Variants in PEX14 observed in about 807,000 individuals in gnomAD.
The protein encoded by PEX14 is peroxisomal biogenesis factor 14.
PEX14 carries 15 observed loss-of-function variants against 49.5 expected under a neutral mutation model. The ratio of observed to expected loss-of-function variants is 0.30; its 90% CI spans 0.20 to 0.47. The LOEUF (loss-of-function observed/expected upper bound fraction) is 0.47, where lower values mean the gene tolerates loss of function less well. PEX14 is among the 20% of genes least tolerant of loss of function. PEX14 has a pLI of 1.00. For synonymous variants in PEX14, 210 were observed against 212.7 expected (o/e 0.99, Z 0.11); for missense variants, 398 against 494.8 (o/e 0.80, Z 1.86).
chr1:10,496,933 A>G (rs1204377052), intron 2 of PEX14, among the ~76,000 whole-genome samples: 2 of 151,662 alleles, frequency 1.3e-5, no homozygotes, highest in Non-Finnish European at 2.9e-5. Flanking sequence ...ATAATTGCTC[A>G]GAGGAAAGAA....
intron 2 of PEX14, among the ~76,000 whole-genome samples, chr1:10,496,052 T>G (rs1437473306): frequency 2.0e-5 from 3 of 152,238 alleles, no homozygotes; most frequent in Admixed American, 1.3e-4. Context: ...AGGGCTGTAC[T>G]GCCAAGGCTT....
chr1:10,487,824 C>T (rs375027267), intron 1 of PEX14, among the ~76,000 whole-genome samples: 8 of 147,418 alleles, frequency 5.4e-5, no homozygotes, highest in Non-Finnish European at 1.2e-4. Context: ...TCTGTTGCCT[C>T]GGCTGGAGTG....
chr1:10,495,657 T>C lies in PEX14; in HGVS notation c.84+336T>C, dbSNP rs1641547308. Among the ~76,000 whole-genome samples, 1 of 152,132 alleles carries C rather than the reference T, an allele frequency of 6.6e-6. No homozygotes were observed. Among genetic ancestry groups the C allele is most frequent in the Non-Finnish European group, 1.5e-5 (1 of 68,030 alleles). ...TGAGGTGGCTGGGCTTCTAGATTGT[T>C]TGAAGTAGCCGCCCTCTGCTCTGCC... On this transcript the variant is annotated intron_variant, in intron 2 of 8. Transcript: ENST00000356607. This position sits in a 1 kb window ranked among gnomAD's most constrained non-coding sequence, Gnocchi z 4.2.
At position 10,624,427 on chromosome 1, in the gene PEX14, C is replaced by G. The variant is rs147706488; in HGVS notation, c.575C>G (p.Ala192Gly). 1,706 of 1,608,406 alleles carry G rather than the reference C, an allele frequency of 1.1e-3. 4 individuals are homozygous for G. The highest frequency in any genetic ancestry group is 1.3e-3 in the Non-Finnish European group (1,480 of 1,175,392). The change falls in exon 7 of 9, where the codon GCC becomes GGC. Residue 192 changes from alanine to glycine, a missense_variant. Ala to Gly is a moderately conservative substitution (Grantham distance 60, BLOSUM62 0). Around this residue, in one of 3 missense-constraint regions of PEX14, gnomAD observed 202 missense variants for 298.5 expected, o/e 0.68. Transcript: ENST00000356607. ...ATCCAGGAGCTTGCCCACGAGCTGG[C>G]CGCTGCCAAGGTACCTGTCTCTGCT... is the stretch of plus-strand genomic sequence containing the variant. ...QKIQELAHEL[A>G]AAKATTSTNW...
In PEX14 at chr1:10,494,536, A is replaced by G. The variant is rs573655880; in HGVS notation, c.37-738A>G. Among the ~76,000 whole-genome samples, 80 of 152,250 alleles carry G rather than the reference A, an allele frequency of 5.3e-4. No homozygotes were observed. Among genetic ancestry groups the G allele is most frequent in the African/African-American group, 1.7e-3 (70 of 41,548 alleles). On this transcript the variant is annotated intron_variant, in intron 1 of 8. Transcript: ENST00000356607. This position sits in a 1 kb window ranked among gnomAD's most constrained non-coding sequence, Gnocchi z 4.3. ...TCTCTAAATTTTGGCCAGATCAGTC[A>G]AGGGTCGAAGGCGCCTGTGAGGGTG... is the stretch of plus-strand genomic sequence containing the variant.
At chr1:10,565,228 ATTG>A (rs1639769417) in intron 3 of PEX14, among the ~76,000 whole-genome samples, 1 of 152,166 alleles carries the variant, frequency 6.6e-6, no homozygotes, top group African/African-American at 2.4e-5. Context: ...AAAATATTTT[ATTG>A]CATGACAGTG....
chr1:10,487,667 T>C (rs1641395440), intron 1 of PEX14, among the ~76,000 whole-genome samples: 1 of 151,938 alleles, frequency 6.6e-6, no homozygotes, highest in Admixed American at 6.6e-5. Flanking sequence ...GTATTTTTAG[T>C]AGAGATGGGG....
At position 10,630,370 on chromosome 1, in the gene PEX14, C is replaced by T. The variant is rs766657475; in HGVS notation, c.*383C>T. The T allele has an allele frequency of 1.3e-4, 34 of 271,402 alleles. No homozygotes were observed. Among genetic ancestry groups the T allele is most frequent in the Admixed American group, 1.9e-4 (4 of 21,150 alleles). The allele number at this position is 271,402 out of a possible 1,614,324, so 16.8% of individuals were successfully genotyped here. ...TGACACCACGCATGGCCAGAGCTAG[C>T]GTCCCTACTGCCTCCCGACTCCTCA... On this transcript the variant is annotated 3_prime_UTR_variant, in exon 9 of 9. Coordinates refer to ENST00000356607, the MANE Select transcript of PEX14 (RefSeq NM_004565.3). This position sits in a 1 kb window ranked among gnomAD's most constrained non-coding sequence, Gnocchi z 4.1.
chr1:10,542,945 G>A (rs921426456), intron 3 of PEX14, among the ~76,000 whole-genome samples: 9 of 152,114 alleles, frequency 5.9e-5, no homozygotes, highest in Non-Finnish European at 1.2e-4. Context: ...GCAGGATAGG[G>A]GATATTTTTC....
intron 4 of PEX14, among the ~76,000 whole-genome samples, chr1:10,607,401 G>A (rs953943896): frequency 1.3e-5 from 2 of 152,080 alleles, no homozygotes; most frequent in Admixed American, 6.6e-5. Context: ...TTGGGTGAGC[G>A]CCTAGAAGTA....
rs370287383 is a variant in PEX14 at position 10,564,458 on chromosome 1, TC to T, written c.169+28162del. ...TTTTTTTTTTTTTGAGACAAAGATT[TC>T]ACTGTCTCACTCTCTTGCCCAGACT... On this transcript the variant is annotated intron_variant, in intron 3 of 8. Coordinates refer to ENST00000356607, the MANE Select transcript of PEX14 (RefSeq NM_004565.3). Among the ~76,000 whole-genome samples, 20 of 152,044 alleles carry T rather than the reference TC, an allele frequency of 1.3e-4. No individual in the cohort carries two copies. The East Asian group carries it at 3.3e-3, about 25-fold the overall frequency.
intron 2 of PEX14, among the ~76,000 whole-genome samples, chr1:10,511,825 T>G (rs1193922536): frequency 6.6e-6 from 1 of 152,170 alleles, no homozygotes; most frequent in African/African-American, 2.4e-5. Flanking sequence ...CTTCCAAGTC[T>G]TCTGTGGACT....
chr1:10,535,788 T>C (rs753220609), intron 2 of PEX14: 5 of 327,660 alleles, frequency 1.5e-5, no homozygotes, highest in African/African-American at 8.6e-5. Context: ...TGTGTGTGTG[T>C]GTGTGCGTGT....
intron 2 of PEX14, among the ~76,000 whole-genome samples, chr1:10,531,985 G>T (rs1194053438): frequency 6.6e-6 from 1 of 152,150 alleles, no homozygotes; most frequent in African/African-American, 2.4e-5. Context: ...AGGAACCTCA[G>T]TTCTTCTCAC....
intron 4 of PEX14, among the ~76,000 whole-genome samples, chr1:10,609,020 T>C (rs1015217482): frequency 1.3e-5 from 2 of 152,218 alleles, no homozygotes; most frequent in Non-Finnish European, 2.9e-5. Flanking sequence ...GAATATGTGA[T>C]CTCTTGTACC....
intron 3 of PEX14, among the ~76,000 whole-genome samples, chr1:10,576,097 A>G (rs1640108923): frequency 6.6e-6 from 1 of 152,080 alleles, no homozygotes; most frequent in Non-Finnish European, 1.5e-5. Flanking sequence ...TTACTTATTG[A>G]TTTTTAAATA....
intron 3 of PEX14, among the ~76,000 whole-genome samples, chr1:10,544,617 CAATT>C (rs1205812274): frequency 2.0e-5 from 3 of 152,170 alleles, no homozygotes; most frequent in Non-Finnish European, 2.9e-5. Context: ...ACTATCATCA[CAATT>C]AAGATAATGG....
At chr1:10,481,585 T>G (rs759231355) in intron 1 of PEX14, among the ~76,000 whole-genome samples, 1 of 151,528 alleles carries the variant, frequency 6.6e-6, no homozygotes, top group Non-Finnish European at 1.5e-5. Context: ...GGGACTATAG[T>G]CATGCACTAT....
At chr1:10,489,425 T>G (rs1013848787) in intron 1 of PEX14, among the ~76,000 whole-genome samples, 1 of 152,200 alleles carries the variant, frequency 6.6e-6, no homozygotes, top group East Asian at 1.9e-4. Flanking sequence ...TGAGTCCTGT[T>G]TTTTAGCTTT....
Sources: gnomAD v4.1 joint callset for allele counts (sites outside exome capture counted in the v4.1 genomes callset) on GRCh38, gnomAD v4.1.1 for gene constraint, gnomAD v4.1.1 regional missense constraint, Gnocchi (gnomAD v3.1) non-coding constraint, MANE v1.5 for transcripts, NCBI Gene and HGNC (gene_info 2026-07-23, HGNC 2026-07-21) for gene names.